The following PSME4 variants were observed in gnomAD, a reference collection of about 807,000 sequenced individuals.
PSME4 encodes the protein proteasome activator complex subunit 4.
A neutral mutation model predicts 253.9 loss-of-function variants in PSME4; 89 were observed. The ratio of observed to expected loss-of-function variants is 0.35; its 90% CI spans 0.30 to 0.42. The LOEUF (loss-of-function observed/expected upper bound fraction) is 0.42, where lower values mean the gene tolerates loss of function less well. Ranked by LOEUF, PSME4 falls within the 10% of genes least tolerant of loss-of-function variation. PSME4 has a pLI of 1.00. For missense variants in PSME4, 2,014 were observed against 2,195.2 expected (o/e 0.92, Z 1.65); for synonymous variants, 851 against 759.2 (o/e 1.12, Z -1.99).
chr2:53,931,842 G>A lies in PSME4; in HGVS notation c.1309C>T (p.Leu437Phe), dbSNP rs750703721. Residue 437 changes from leucine to phenylalanine, a missense_variant, in exon 10 of 47, where the codon CTT (leucine) becomes TTT (phenylalanine). Transcript: ENST00000404125. ...MRPELVIPPV[L>F]ERTYPALETL... is the part of the protein sequence containing the mutation. Reference sequence around the variant, plus strand: ...CTCCCACTAACCACTTACCTTTCAAGTACAGGGGGTATTACCAATTCAGGT... The same window carrying A: ...CTCCCACTAACCACTTACCTTTCAAATACAGGGGGTATTACCAATTCAGGT... The A allele has an allele frequency of 6.2e-7, 1 of 1,614,094 alleles. No individual in the cohort carries two copies. Among genetic ancestry groups the A allele is most frequent in the South Asian group, 1.1e-5 (1 of 91,072 alleles).
chr2:53,867,281 G>A (rs1678610596), intron 44 of PSME4, among the ~76,000 whole-genome samples: 1 of 152,118 alleles, frequency 6.6e-6, no homozygotes, highest in Non-Finnish European at 1.5e-5. Context: ...AGGGCGGGTG[G>A]ATGACCTGAG....
chr2:53,960,519 G>C (rs1043234720), intron 1 of PSME4, among the ~76,000 whole-genome samples: 9 of 152,110 alleles, frequency 5.9e-5, no homozygotes, highest in African/African-American at 1.9e-4. Context: ...ATTCTAGTTT[G>C]CTTTGCAACT....
chr2:53,933,012 A>G (rs188609435), intron 8 of PSME4: 1 of 412,502 alleles, frequency 2.4e-6, no homozygotes, highest in African/African-American at 2.0e-5. Context: ...ATACCTGTCA[A>G]CTTAGGATAA....
intron 42 of PSME4, among the ~76,000 whole-genome samples, chr2:53,874,840 G>A (rs933464063): frequency 5.3e-5 from 8 of 152,190 alleles, no homozygotes; most frequent in African/African-American, 1.9e-4. Context: ...AGCTACTTGG[G>A]AAGCTGAGAC....
chr2:53,959,822 A>T (rs1260053076), intron 1 of PSME4, among the ~76,000 whole-genome samples: 1 of 152,224 alleles, frequency 6.6e-6, no homozygotes, highest in Non-Finnish European at 1.5e-5. Flanking sequence ...TCTAGAGCAA[A>T]CAACACATAC....
intron 1 of PSME4, among the ~76,000 whole-genome samples, chr2:53,962,049 C>T (rs1040195723): frequency 1.4e-4 from 22 of 152,314 alleles, no homozygotes; most frequent in South Asian, 2.1e-4. Flanking sequence ...GGAAGAGGAA[C>T]AGGCTATGAC....
Position 53,937,497 on chromosome 2 carries a change from G to T in PSME4, c.589C>A (p.Arg197=), listed in dbSNP as rs750050197. Reference sequence around the variant, plus strand: ...ACATCAAAAGGGCACATTAAAGGTCGCCATTCTTCTAGCATCTCAGCGGTG... The same window carrying T: ...ACATCAAAAGGGCACATTAAAGGTCTCCATTCTTCTAGCATCTCAGCGGTG... The part of the protein sequence containing the change: ...DATAEMLEEW[R]PLMCPFDVTM... Residue 197 remains arginine, a synonymous_variant, in exon 5 of 47, where the codon CGA becomes AGA. Transcript: ENST00000404125. 1.2e-6 allele frequency: 2 copies of T among 1,611,320 alleles called. No individual in the cohort carries two copies. The highest frequency in any genetic ancestry group is 4.5e-5 in the East Asian group (2 of 44,848).
chr2:53,887,801 T>TA (rs1679709746), intron 39 of PSME4, 57 bp downstream of exon 39: 2 of 1,491,926 alleles, frequency 1.3e-6, no homozygotes, highest in African/African-American at 1.4e-5. Flanking sequence ...CTATTACAAT[T>TA]TAAAAAAAAA....
chr2:53,868,984 T>G (rs1276441612), intron 44 of PSME4, among the ~76,000 whole-genome samples: 3 of 152,070 alleles, frequency 2.0e-5, no homozygotes, highest in Non-Finnish European at 4.4e-5. Context: ...TAATCCCCTC[T>G]CCAAATAAAA....
At chr2:53,918,803 G>A (rs1668173157) in intron 20 of PSME4, among the ~76,000 whole-genome samples, 1 of 151,940 alleles carries the variant, frequency 6.6e-6, no homozygotes, top group Non-Finnish European at 1.5e-5. Context: ...ACAAAATTCT[G>A]AATCAACATT....
At chr2:53,891,670 G>A (rs1679910577) in intron 36 of PSME4, among the ~76,000 whole-genome samples, 1 of 151,920 alleles carries the variant, frequency 6.6e-6, no homozygotes, top group African/African-American at 2.4e-5. Context: ...GACCAGCCTG[G>A]CCACATGGAG....
intron 3 of PSME4, among the ~76,000 whole-genome samples, chr2:53,943,629 T>A (rs1001170542): frequency 9.2e-5 from 14 of 151,832 alleles, no homozygotes; most frequent in Non-Finnish European, 1.8e-4. Context: ...TCACGTGAGG[T>A]CCAGAGTTCA....
chr2:53,866,215 T>A lies in PSME4; in HGVS notation c.5406A>T (p.Val1802=), dbSNP rs772665050. Residue 1802 remains valine, a synonymous_variant, in exon 46 of 47, where the codon GTA becomes GTT. Transcript: ENST00000404125. The part of the protein sequence containing the change: ...LNDPQPIEMT[V]KKTLSNFRRT... ...TTCGGAAATTGGATAAGGTTTTTTT[T>A]ACAGTCATCTGTAAAGTAGACAACC... The A allele has an allele frequency of 1.3e-5, 21 of 1,613,950 alleles. No individual in the cohort carries two copies. Among genetic ancestry groups the A allele is most frequent in the South Asian group, 2.2e-5 (2 of 91,050 alleles).
chr2:53,970,413 T>A (rs1470847632), intron 1 of PSME4, 130 bp downstream of exon 1: 1 of 1,456,038 alleles, frequency 6.9e-7, no homozygotes, highest in Non-Finnish European at 9.1e-7. Context: ...GACCCTGGGA[T>A]CACCGCTCGG....
rs189597250 is a variant in PSME4 at position 53,932,196 on chromosome 2, A to G, written c.1051-96T>C. 1.6e-3 allele frequency: 1,893 copies of G among 1,158,082 alleles called. 7 individuals carry two copies. Among genetic ancestry groups the G allele is most frequent in the Non-Finnish European group, 2.0e-3 (1,637 of 810,824 alleles). The allele number at this position is 1,158,082 out of a possible 1,614,324, so 71.7% of individuals were successfully genotyped here. ...AGCTTCTTGAGAAAAGATTTTAAAA[A>G]TAACAGTTCTTATTATCTTATTACA... On this transcript the variant is annotated intron_variant, in intron 9 of 46. Transcript: ENST00000404125.
At chr2:53,931,421 C>T (rs1668824694) in intron 10 of PSME4, among the ~76,000 whole-genome samples, 2 of 152,174 alleles carry the variant, frequency 1.3e-5, no homozygotes, top group Non-Finnish European at 2.9e-5. Flanking sequence ...AACAACACAC[C>T]TGAATATATA....
intron 34 of PSME4, 120 bp downstream of exon 34, chr2:53,894,887 A>G: frequency 1.2e-6 from 1 of 847,324 alleles, no homozygotes; most frequent in Middle Eastern, 2.3e-4. Flanking sequence ...ATGCAGTGCT[A>G]TACAGAAAAA....
chr2:53,955,170 C>T (rs1317168492), intron 1 of PSME4, among the ~76,000 whole-genome samples: 2 of 152,050 alleles, frequency 1.3e-5, no homozygotes, highest in African/African-American at 4.8e-5. Context: ...GACCCTGACT[C>T]TCCAAAAATA....
chr2:53,912,723 C>T (rs1384509903), intron 20 of PSME4, among the ~76,000 whole-genome samples: 1 of 152,186 alleles, frequency 6.6e-6, no homozygotes, highest in African/African-American at 2.4e-5. Context: ...ACCTCCACCT[C>T]CCAAAGCACT....
Sources: gnomAD v4.1 joint callset for allele counts (sites outside exome capture counted in the v4.1 genomes callset) on GRCh38, gnomAD v4.1.1 for gene constraint, MANE v1.5 for transcripts, NCBI Gene and HGNC (gene_info 2026-07-23, HGNC 2026-07-21) for gene names.